ACYP2: variants seen among roughly 807,000 people sequenced by gnomAD.
ACYP2 encodes acylphosphatase 2.
In ACYP2, 12 loss-of-function variants were observed where a neutral mutation model predicts 11.2. The observed-to-expected ratio is 1.08, with a 90% CI of 0.69 to 1.74. ACYP2 has a LOEUF of 1.74. ACYP2 is among the 40% of genes most tolerant of loss of function. The pLI is 0.00. For synonymous variants in ACYP2, 43 were observed against 32.2 expected (o/e 1.33, Z -1.13); for missense variants, 134 against 101.9 (o/e 1.31, Z -1.35).
At chr2:54,144,190 G>A (rs1006668559) in intron 6 of ACYP2, among the ~76,000 whole-genome samples, 5 of 151,884 alleles carry the variant, frequency 3.3e-5, no homozygotes, top group Admixed American at 6.6e-5. Flanking sequence ...CCAGGCTGGT[G>A]TTGAACTTCT....
chr2:54,118,833 C>T (rs1679971052), intron 4 of ACYP2, among the ~76,000 whole-genome samples: 1 of 152,130 alleles, frequency 6.6e-6, no homozygotes, highest in Non-Finnish European at 1.5e-5. Context: ...TACAAACTCA[C>T]CATCACATAT....
chr2:54,008,533 T>G (rs1673192643), intron 2 of ACYP2, among the ~76,000 whole-genome samples: 1 of 152,224 alleles, frequency 6.6e-6, no homozygotes, highest in Non-Finnish European at 1.5e-5. Context: ...ACTCCACTTC[T>G]GCTAAGACAG....
At chr2:54,221,418 T>C (rs843755) in intron 6 of ACYP2, among the ~76,000 whole-genome samples, 2 of 152,006 alleles carry the variant, frequency 1.3e-5, no homozygotes, top group East Asian at 3.9e-4. Flanking sequence ...CAGTTCTCTA[T>C]TAATTGAAAA....
intron 4 of ACYP2, chr2:54,057,472 A>AC: frequency 2.6e-6 from 1 of 390,156 alleles, no homozygotes; most frequent in Non-Finnish European, 4.5e-6. Flanking sequence ...TCTGTTAGAG[A>AC]CATTTTGAGG....
intron 6 of ACYP2, among the ~76,000 whole-genome samples, chr2:54,194,554 T>C (rs1338789129): frequency 6.6e-6 from 1 of 152,168 alleles, no homozygotes; most frequent in Non-Finnish European, 1.5e-5. Flanking sequence ...GTCCATAATG[T>C]TATATAATAA....
rs928128137 is a variant in ACYP2 at position 54,134,243 on chromosome 2, C to T, written c.278-1210C>T. 3.9e-5 allele frequency among the ~76,000 whole-genome samples: 6 copies of T among 151,926 alleles called. 1 individual carries two copies. Among genetic ancestry groups the T allele is most frequent in the Admixed American group, 2.6e-4 (4 of 15,232 alleles). On this transcript the variant is annotated intron_variant, in intron 4 of 6. Coordinates refer to ENST00000607452, the MANE Select transcript of ACYP2 (RefSeq NM_001320586.2). ...AGGAGTTTGAGGGGGCAGTGAGCTA[C>T]GATTGCATCACTGTATTCCAGCCTG...
chr2:54,097,790 T>C (rs1035474849), intron 4 of ACYP2, among the ~76,000 whole-genome samples: 5 of 152,072 alleles, frequency 3.3e-5, no homozygotes, highest in African/African-American at 1.2e-4. Flanking sequence ...GCAAAAGATA[T>C]TTTTAACTCT....
intron 4 of ACYP2, among the ~76,000 whole-genome samples, chr2:54,121,398 C>T (rs919968400): frequency 6.6e-6 from 1 of 152,186 alleles, no homozygotes; most frequent in Non-Finnish European, 1.5e-5. Context: ...CTGGAACTGG[C>T]AACTCGGTTT....
At chr2:53,976,877 C>T (rs972453774) in intron 2 of ACYP2, among the ~76,000 whole-genome samples, 3 of 152,152 alleles carry the variant, frequency 2.0e-5, no homozygotes, top group Admixed American at 2.0e-4. Context: ...TAAAATGTAG[C>T]CAGATGTGGG....
rs573274513 is a variant in ACYP2 at position 54,101,630 on chromosome 2, C to T, written c.278-33823C>T. On this transcript the variant is annotated intron_variant, in intron 4 of 6. Coordinates refer to ENST00000607452, the MANE Select transcript of ACYP2 (RefSeq NM_001320586.2). The stretch of plus-strand genomic sequence containing the variant: ...CAGAGTTTGCAGTGAGCCAAGATTG[C>T]GCCATTGCAATCCAGCTTGGGTTAC... Among the ~76,000 whole-genome samples the T allele has an allele frequency of 4.1e-4, 61 of 147,016 alleles. 1 individual carries two copies. The highest frequency in any genetic ancestry group is 1.5e-3 in the African/African-American group (58 of 39,770).
intron 6 of ACYP2, among the ~76,000 whole-genome samples, chr2:54,276,619 T>TCACACACACACACACACACACA (rs3071186): frequency 1.4e-5 from 2 of 146,108 alleles, no homozygotes; most frequent in Admixed American, 6.8e-5. Flanking sequence ...GATTGTTCTT[T>TCACACACACACACACACACACA]CACACACACA....
chr2:54,097,483 C>CA (rs1678653158), intron 4 of ACYP2, among the ~76,000 whole-genome samples: 2 of 152,116 alleles, frequency 1.3e-5, no homozygotes, highest in Admixed American at 6.5e-5. Context: ...CACCTGGTTA[C>CA]AAAAAATGAC....
intron 2 of ACYP2, among the ~76,000 whole-genome samples, chr2:54,013,255 A>ATATATG (rs1199088976): frequency 8.5e-6 from 1 of 117,526 alleles, no homozygotes; most frequent in African/African-American, 3.2e-5. Context: ...ACCATCTAAT[A>ATATATG]TGTGTGTGTG....
intron 1 of ACYP2, among the ~76,000 whole-genome samples, chr2:53,972,885 G>T (rs989397428): frequency 6.6e-6 from 1 of 152,232 alleles, no homozygotes; most frequent in African/African-American, 2.4e-5. Context: ...TATGGGATGG[G>T]TATGTTGACA....
At chr2:54,007,991 G>A (rs1453090443) in intron 2 of ACYP2, among the ~76,000 whole-genome samples, 1 of 152,208 alleles carries the variant, frequency 6.6e-6, no homozygotes, top group East Asian at 1.9e-4. Flanking sequence ...CTCGGCCTAT[G>A]CCCAGGAATG....
At chr2:54,012,045 G>A (rs989608423) in intron 2 of ACYP2, among the ~76,000 whole-genome samples, 3 of 152,152 alleles carry the variant, frequency 2.0e-5, no homozygotes, top group Admixed American at 1.3e-4. Flanking sequence ...AGACCAGCTT[G>A]GCCAACATGG....
intron 2 of ACYP2, among the ~76,000 whole-genome samples, chr2:54,016,662 G>A (rs1340192352): frequency 6.6e-6 from 1 of 151,084 alleles, no homozygotes; most frequent in African/African-American, 2.4e-5. Flanking sequence ...ATAAACAATA[G>A]AAATTTATGT....
intron 6 of ACYP2, among the ~76,000 whole-genome samples, chr2:54,229,771 A>G (rs2103964111): frequency 6.6e-6 from 1 of 152,244 alleles, no homozygotes; most frequent in South Asian, 2.1e-4. Flanking sequence ...AGAGTCCCCC[A>G]AACAGTTTTT....
At chr2:54,304,618 G>A in intron 6 of ACYP2, 70 bp from the exon 4 acceptor site, 1 of 1,061,950 alleles carries the variant, frequency 9.4e-7, no homozygotes, top group Non-Finnish European at 1.4e-6. Context: ...AATACCTACT[G>A]TGGGCTCATT....
Sources: gnomAD v4.1 joint callset for allele counts (sites outside exome capture counted in the v4.1 genomes callset) on GRCh38, gnomAD v4.1.1 for gene constraint, MANE v1.5 for transcripts, NCBI Gene and HGNC (gene_info 2026-07-23, HGNC 2026-07-21) for gene names.